The following FRMPD3 variants were observed in gnomAD, a reference collection of about 807,000 sequenced individuals.
FRMPD3 encodes the protein FERM and PDZ domain-containing protein 3.
A neutral mutation model predicts 97.9 loss-of-function variants in FRMPD3; 42 were observed. The ratio of observed to expected loss-of-function variants is 0.43; its 90% CI spans 0.34 to 0.55. The LOEUF is 0.55. Ranked by LOEUF, FRMPD3 falls within the 20% of genes least tolerant of loss-of-function variation. FRMPD3 has a pLI of 0.03. For synonymous variants in FRMPD3, 577 were observed against 581.1 expected (o/e 0.99, Z 0.10); for missense variants, 1,303 against 1,457.7 (o/e 0.89, Z 1.73).
At chrX:107,499,216 C>T (rs750808920) in intron 1 of FRMPD3, among the ~76,000 whole-genome samples, 4 of 111,905 alleles carry the variant, frequency 3.6e-5, no homozygotes, top group African/African-American at 1.3e-4. Flanking sequence ...GATAGGGTTT[C>T]GCAGATAAGG....
intron 1 of FRMPD3, among the ~76,000 whole-genome samples, chrX:107,502,084 G>A (rs1438194103): frequency 2.7e-5 from 3 of 110,940 alleles, no homozygotes; most frequent in Non-Finnish European, 5.7e-5. Flanking sequence ...ATTGAGAAAA[G>A]GCCATGCACG....
At chrX:107,555,607 C>T (rs1922046183) in intron 8 of FRMPD3, among the ~76,000 whole-genome samples, 1 of 111,966 alleles carries the variant, frequency 8.9e-6, no homozygotes, top group Non-Finnish European at 1.9e-5. Context: ...CTTAGATGCA[C>T]ATTAAAATTA....
chrX:107,573,686 A>T (rs1452101048), intron 12 of FRMPD3, among the ~76,000 whole-genome samples: 1 of 112,223 alleles, frequency 8.9e-6, no homozygotes, highest in Non-Finnish European at 1.9e-5. Flanking sequence ...TAGGAGCATC[A>T]CTAACTTGTT....
At chrX:107,545,075 C>T (rs1921522803) in intron 4 of FRMPD3, 1 of 111,587 alleles carries the variant, frequency 9.0e-6, no homozygotes, top group Middle Eastern at 4.6e-3. Flanking sequence ...AGTGAAACTC[C>T]GTCTAAAAAT....
At chrX:107,467,194 G>A (rs966916307) in intron 1 of FRMPD3, among the ~76,000 whole-genome samples, 4 of 111,789 alleles carry the variant, frequency 3.6e-5, no homozygotes, top group African/African-American at 1.3e-4. Flanking sequence ...ATTCTTTATA[G>A]CGTGATAGCC....
Position 107,464,359 on chromosome X carries a change from TG to T in FRMPD3, c.-8+14355del, listed in dbSNP as rs1233783170. On this transcript the variant is annotated intron_variant, in intron 1 of 14. Coordinates refer to ENST00000683843, the MANE Select transcript of FRMPD3 (RefSeq NM_001388459.1). ...TTTTATTTCATTTATTTATTTATTT[TG>T]TTTTTTTTTGCTAAATCTACCCAGT... 1.9e-3 allele frequency among the ~76,000 whole-genome samples: 207 copies of T among 110,345 alleles called. 1 individual carries two copies. Among genetic ancestry groups the T allele is most frequent in the African/African-American group, 6.7e-3 (198 of 29,728 alleles).
At chrX:107,514,382 G>T (rs750546599) in intron 1 of FRMPD3, among the ~76,000 whole-genome samples, 42 of 111,708 alleles carry the variant, frequency 3.8e-4, no homozygotes, top group South Asian at 1.5e-3. Context: ...CTTGGAAAGG[G>T]ACAGCAGTGG....
intron 1 of FRMPD3, among the ~76,000 whole-genome samples, chrX:107,490,960 T>C (rs1185387235): frequency 8.9e-6 from 1 of 112,082 alleles, no homozygotes; most frequent in Non-Finnish European, 1.9e-5. Flanking sequence ...GCACTGGGCT[T>C]TGCTACCTCA....
At chrX:107,460,939 G>A (rs995656478) in intron 1 of FRMPD3, among the ~76,000 whole-genome samples, 1 of 111,503 alleles carries the variant, frequency 9.0e-6, no homozygotes, top group Admixed American at 9.5e-5. Context: ...TTTCTAATAT[G>A]TAGAGAAATC....
chrX:107,572,219 C>A (rs1922917502), intron 12 of FRMPD3, among the ~76,000 whole-genome samples: 1 of 111,531 alleles, frequency 9.0e-6, no homozygotes, highest in Non-Finnish European at 1.9e-5. Flanking sequence ...GGCACAGGAG[C>A]ATTTCAGCCA....
chrX:107,567,934 GAGATGTGAAATATGCAAAATCAGTA>G (rs1459192173), intron 12 of FRMPD3, among the ~76,000 whole-genome samples: 1 of 110,935 alleles, frequency 9.0e-6, no homozygotes. Flanking sequence ...AAAAAAAGAG[GAGATGTGAAATATGCAAAATCAGTA>G]AGATGTGGGT....
chrX:107,579,616 C>A (rs910345299), intron 13 of FRMPD3, among the ~76,000 whole-genome samples: 1 of 111,791 alleles, frequency 8.9e-6, no homozygotes, highest in Non-Finnish European at 1.9e-5. Context: ...TCAATAGATA[C>A]AACAGAGCAG....
chrX:107,472,446 T>A (rs1274993307), intron 1 of FRMPD3, among the ~76,000 whole-genome samples: 1 of 111,429 alleles, frequency 9.0e-6, no homozygotes, highest in Non-Finnish European at 1.9e-5. Context: ...TTTAAGTATT[T>A]AATCCATCTT....
intron 8 of FRMPD3, 105 bp from the exon 9 acceptor site, chrX:107,560,152 C>G (rs1162741798): frequency 4.1e-6 from 4 of 973,761 alleles, no homozygotes; most frequent in African/African-American, 2.0e-5. Context: ...ATCTAGCATG[C>G]CTTACTGATA....
At chrX:107,598,854 G>A (rs1924340426) in intron 14 of FRMPD3, among the ~76,000 whole-genome samples, 1 of 112,363 alleles carries the variant, frequency 8.9e-6, no homozygotes, top group Admixed American at 9.4e-5. Context: ...TAGTTCACAG[G>A]AAAACCGTAC....
intron 7 of FRMPD3, among the ~76,000 whole-genome samples, chrX:107,553,262 C>T (rs1481973291): frequency 9.2e-6 from 1 of 108,431 alleles, no homozygotes; most frequent in East Asian, 2.9e-4. Context: ...TGGGAGAAAA[C>T]TTGGCCTTTT....
At chrX:107,480,339 C>T (rs1432125034) in intron 1 of FRMPD3, among the ~76,000 whole-genome samples, 2 of 111,647 alleles carry the variant, frequency 1.8e-5, no homozygotes, top group South Asian at 3.8e-4. Flanking sequence ...CTGAGCCAGT[C>T]GTCAACTCTG....
rs145572366 is a variant in FRMPD3 at position 107,569,409 on chromosome X, G to A, written c.1296+4343G>A. On this transcript the variant is annotated intron_variant, in intron 12 of 14. Transcript: ENST00000683843. ...CAGGGAAGGACAAAATTCTGGCTGG[G>A]GGTATTAAGGAAAGCTTCTTAGAGG... Among the ~76,000 whole-genome samples the A allele has an allele frequency of 5.2e-4, 57 of 110,579 alleles. 1 individual carries two copies. Among genetic ancestry groups the A allele is most frequent in the African/African-American group, 1.8e-3 (55 of 30,466 alleles).
At chrX:107,462,453 G>C (rs1931493976) in intron 1 of FRMPD3, among the ~76,000 whole-genome samples, 1 of 111,975 alleles carries the variant, frequency 8.9e-6, no homozygotes, top group Non-Finnish European at 1.9e-5. Flanking sequence ...CATGGCCTAG[G>C]GTAGAGGGGT....
Sources: allele counts gnomAD v4.1 joint callset (sites outside exome capture counted in the v4.1 genomes callset), GRCh38; gene constraint gnomAD v4.1.1; transcripts MANE v1.5; gene names NCBI Gene and HGNC (gene_info 2026-07-23, HGNC 2026-07-21).